TTC7B: variants seen among roughly 807,000 people sequenced by gnomAD.
TTC7B encodes the protein tetratricopeptide repeat domain 7B.
Under a neutral mutation model 106.8 loss-of-function variants are expected in TTC7B, and 28 were observed. That is an observed-to-expected ratio of 0.26 (90% CI 0.19 to 0.36). The LOEUF (loss-of-function observed/expected upper bound fraction) is 0.36, where lower values mean the gene tolerates loss of function less well. TTC7B is among the 10% of genes least tolerant of loss of function. TTC7B has a pLI of 1.00. For synonymous variants in TTC7B, 405 were observed against 430.6 expected (o/e 0.94, Z 0.74); for missense variants, 862 against 1,076.4 (o/e 0.80, Z 2.79).
intron 19 of TTC7B, among the ~76,000 whole-genome samples, chr14:90,562,019 C>G (rs1440819007): frequency 6.6e-6 from 1 of 152,188 alleles, no homozygotes; most frequent in African/African-American, 2.4e-5. Flanking sequence ...TTCCTGCTCT[C>G]TGGAATTTAT....
chr14:90,659,133 G>A (rs1294079972), intron 9 of TTC7B, among the ~76,000 whole-genome samples: 1 of 152,198 alleles, frequency 6.6e-6, no homozygotes, highest in Non-Finnish European at 1.5e-5. Context: ...GGGAGGCACA[G>A]GAGGTGCCCA....
Position 90,538,526 on chromosome 14 carries a change from C to G in TTC7B, c.*2842G>C, listed in dbSNP as rs543678982. The G allele has an allele frequency of 6.6e-6, 1 of 152,436 alleles. No individual in the cohort carries two copies. Among genetic ancestry groups the G allele is most frequent in the African/African-American group, 2.4e-5 (1 of 41,570 alleles). The allele number at this position is 152,436 out of a possible 1,614,324, so 9.4% of individuals were successfully genotyped here. ...GAGAGAACCGACTCAATCCTCCCTT[C>G]TAAGAGGACTGTGCAGACATTGGAC... On this transcript the variant is annotated 3_prime_UTR_variant, in exon 20 of 20. Coordinates refer to ENST00000328459, the MANE Select transcript of TTC7B (RefSeq NM_001010854.2).
chr14:90,729,982 C>A, intron 5 of TTC7B, 93 bp downstream of exon 5: 1 of 1,304,216 alleles, frequency 7.7e-7, no homozygotes, highest in South Asian at 1.8e-5. Context: ...ATTTAAAATT[C>A]CTTTATTATA....
intron 4 of TTC7B, among the ~76,000 whole-genome samples, chr14:90,741,872 T>C (rs1889779851): frequency 6.6e-6 from 1 of 152,148 alleles, no homozygotes; most frequent in Non-Finnish European, 1.5e-5. Flanking sequence ...ATCTCTCTCA[T>C]TGCTAATATC....
intron 5 of TTC7B, among the ~76,000 whole-genome samples, chr14:90,726,392 T>A (rs1255546452): frequency 2.0e-5 from 3 of 152,272 alleles, no homozygotes; most frequent in East Asian, 3.9e-4. Context: ...AGCGCCACTG[T>A]AAAGAAATGC....
At position 90,706,414 on chromosome 14, in the gene TTC7B, C is replaced by T. The variant is rs1888215076; in HGVS notation, c.699-10836G>A. Among the ~76,000 whole-genome samples, 5 of 152,190 alleles carry T rather than the reference C, an allele frequency of 3.3e-5. No individual in the cohort carries two copies. The South Asian group carries it at 1.0e-3, about 32-fold the overall frequency. On this transcript the variant is annotated intron_variant, in intron 5 of 19. Transcript: ENST00000328459. ...TCCTGACCTCATGATCCACCCGCCT[C>T]AGCCTCCCAAAGTGCTGGGATTACA...
At chr14:90,769,516 A>G (rs1213840552) in intron 3 of TTC7B, among the ~76,000 whole-genome samples, 3 of 152,254 alleles carry the variant, frequency 2.0e-5, no homozygotes, top group African/African-American at 7.2e-5. Flanking sequence ...TTCAGATCCT[A>G]GCACTCAGGG....
chr14:90,576,541 G>C (rs1031312879), intron 19 of TTC7B, among the ~76,000 whole-genome samples: 1 of 152,210 alleles, frequency 6.6e-6, no homozygotes, highest in Non-Finnish European at 1.5e-5. Context: ...TAGGTGCCAG[G>C]AACTCTGCTA....
intron 3 of TTC7B, among the ~76,000 whole-genome samples, chr14:90,755,791 A>G (rs933786851): frequency 1.3e-5 from 2 of 152,270 alleles, no homozygotes; most frequent in Non-Finnish European, 2.9e-5. Flanking sequence ...TTAACATCAC[A>G]CAGACTCTGT....
At chr14:90,584,643 G>A (rs756950828) in intron 18 of TTC7B, among the ~76,000 whole-genome samples, 5 of 151,998 alleles carry the variant, frequency 3.3e-5, no homozygotes, top group Non-Finnish European at 4.4e-5. Flanking sequence ...GAACGGCCCC[G>A]AGATCTTCTA....
At chr14:90,621,294 T>C (rs12890532) in intron 15 of TTC7B, among the ~76,000 whole-genome samples, 40,484 of 142,422 alleles carry the variant, frequency 0.28, 7,067 homozygotes, top group Non-Finnish European at 0.38. Flanking sequence ...GCCGGGACGA[T>C]AGGCAGAGGC....
At chr14:90,646,136 C>T (rs1405806304) in intron 14 of TTC7B, among the ~76,000 whole-genome samples, 2 of 152,192 alleles carry the variant, frequency 1.3e-5, no homozygotes, top group South Asian at 2.1e-4. Context: ...CTTCTCAATG[C>T]CATTCCCAAG....
chr14:90,610,551 T>A (rs1566797098), intron 17 of TTC7B, among the ~76,000 whole-genome samples, 191 bp downstream of exon 17: 1 of 152,178 alleles, frequency 6.6e-6, no homozygotes, highest in Non-Finnish European at 1.5e-5. Flanking sequence ...GGGCAAATCA[T>A]ATGACCGTCC....
intron 4 of TTC7B, among the ~76,000 whole-genome samples, chr14:90,740,095 C>T (rs1367239475): frequency 5.3e-5 from 8 of 152,162 alleles, no homozygotes; most frequent in African/African-American, 1.9e-4. Flanking sequence ...AGAGACTATT[C>T]GTAGGTGTCC....
chr14:90,573,127 C>A (rs1313616449), intron 19 of TTC7B, among the ~76,000 whole-genome samples: 1 of 152,210 alleles, frequency 6.6e-6, no homozygotes, highest in Non-Finnish European at 1.5e-5. Flanking sequence ...AGGCCCTCAG[C>A]CTTGCCTTGG....
chr14:90,660,975 A>C (rs556011064), intron 9 of TTC7B, among the ~76,000 whole-genome samples: 11 of 152,222 alleles, frequency 7.2e-5, no homozygotes, highest in Non-Finnish European at 8.8e-5. Flanking sequence ...GCCATGGGAC[A>C]TCGGCAGGAG....
intron 4 of TTC7B, among the ~76,000 whole-genome samples, chr14:90,744,542 C>T (rs112985123): frequency 0.051 from 7,800 of 152,160 alleles, 333 homozygotes; most frequent in African/African-American, 0.12. Context: ...CTCCTGACCT[C>T]AGAAGATCCA....
chr14:90,589,542 G>A (rs1306146337), intron 18 of TTC7B, among the ~76,000 whole-genome samples: 1 of 152,216 alleles, frequency 6.6e-6, no homozygotes, highest in African/African-American at 2.4e-5. Flanking sequence ...GTTCAGTACA[G>A]ACAGATTTTT....
In TTC7B at chr14:90,539,044, G is replaced by T. The variant is rs1889488994; in HGVS notation, c.*2324C>A. 6.6e-6 allele frequency: 1 copy of T among 152,196 alleles called. No homozygotes were observed. The highest frequency in any genetic ancestry group is 1.5e-5 in the Non-Finnish European group (1 of 68,050). 9.4% of individuals were successfully genotyped at this position (152,196 alleles called of 1,614,324 possible). Reference sequence around the variant, plus strand: ...TGTTTTCATAACAAAAGTCCCAGGGGTGCTTCTCATTGGCCAAGCATGGGT... The same window carrying T: ...TGTTTTCATAACAAAAGTCCCAGGGTTGCTTCTCATTGGCCAAGCATGGGT... On this transcript the variant is annotated 3_prime_UTR_variant, in exon 20 of 20. Transcript: ENST00000328459.
Sources: gnomAD v4.1 joint callset for allele counts (sites outside exome capture counted in the v4.1 genomes callset) on GRCh38, gnomAD v4.1.1 for gene constraint, MANE v1.5 for transcripts, NCBI Gene and HGNC (gene_info 2026-07-23, HGNC 2026-07-21) for gene names.